The following TOX variants were observed in gnomAD, a reference collection of about 807,000 sequenced individuals.
TOX encodes thymocyte selection-associated high mobility group box protein TOX.
TOX carries 11 observed loss-of-function variants against 53.7 expected under a neutral mutation model. The ratio of observed to expected loss-of-function variants is 0.20; its 90% CI spans 0.13 to 0.34. TOX has a LOEUF of 0.34. Among genes scored for constraint, TOX ranks in the 10% least tolerant of loss-of-function variants. The probability of loss-of-function intolerance (pLI) is 1.00; values close to 1 mark genes in which losing one functional copy is unlikely to be tolerated. For missense variants in TOX, 570 were observed against 664.6 expected, an observed-to-expected ratio of 0.86 and a Z score of 1.56; for synonymous variants, 225 against 245.3, an observed-to-expected ratio of 0.92 and a Z score of 0.77.
chr8:58,899,554 T>C (rs10094753), intron 3 of TOX, among the ~76,000 whole-genome samples: 144,314 of 152,270 alleles, frequency 0.95, 68,465 homozygotes, highest in East Asian at 1. Flanking sequence ...GTAGATTATT[T>C]CTGGTCCAAA....
In TOX at chr8:58,805,952, A is replaced by G. The variant is rs1809966882; in HGVS notation, c.*1795T>C. The G allele has an allele frequency of 6.6e-6, 1 of 152,654 alleles. No individual in the cohort carries two copies. The highest frequency in any genetic ancestry group is 6.5e-5 in the Admixed American group (1 of 15,280). 9.5% of individuals were successfully genotyped at this position (152,654 alleles called of 1,614,324 possible). ...TGGATTACACAATGCATATATTTGTATTTAGTTAAACTGCTAAATTTATTT... is the reference window on the plus strand; with the variant it reads ...TGGATTACACAATGCATATATTTGTGTTTAGTTAAACTGCTAAATTTATTT... On this transcript the variant is annotated 3_prime_UTR_variant, in exon 9 of 9. Transcript: ENST00000361421.
At chr8:58,969,477 A>G (rs1437242411) in intron 1 of TOX, among the ~76,000 whole-genome samples, 1 of 152,218 alleles carries the variant, frequency 6.6e-6, no homozygotes, top group African/African-American at 2.4e-5. Context: ...CAAGTACTAC[A>G]TAGTTATATT....
rs112885736 is a variant in TOX, at chr8:58,908,805, T to C, written c.411+30497A>G. 6.3e-3 allele frequency among the ~76,000 whole-genome samples: 962 copies of C among 152,212 alleles called. 13 individuals are homozygous for C. The highest frequency in any genetic ancestry group is 0.022 in the African/African-American group (922 of 41,520). On this transcript the variant is annotated intron_variant, in intron 3 of 8. Transcript: ENST00000361421. Reference sequence around the variant, plus strand: ...CACCTTATCTATTTCTGACAAAGAGTTCTCTGGTCTCAATCTGTCTCTAGG... The same window carrying C: ...CACCTTATCTATTTCTGACAAAGAGCTCTCTGGTCTCAATCTGTCTCTAGG...
At position 58,951,569 on chromosome 8, in the gene TOX, A is replaced by C. The variant is rs913159928; in HGVS notation, c.168+8374T>G. On this transcript the variant is annotated intron_variant, in intron 2 of 8. Transcript: ENST00000361421. ...TGACCCGGTCTCACCTGGCATCCCT[A>C]TTTTCCCCCACTCCCATTTCCTCCA... Among the ~76,000 whole-genome samples the C allele has an allele frequency of 7.9e-5, 12 of 151,840 alleles. No homozygotes were observed. The East Asian group carries it at 2.3e-3, about 29-fold the overall frequency.
Position 58,986,509 on chromosome 8 carries a change from T to A in TOX, c.103-26501A>T, listed in dbSNP as rs145370609. On this transcript the variant is annotated intron_variant, in intron 1 of 8. Coordinates refer to ENST00000361421, the MANE Select transcript of TOX (RefSeq NM_014729.3). The stretch of plus-strand genomic sequence containing the variant: ...GGAGGGATGTGTTTTATATCTTTTT[T>A]AATTTAAGCTCAAAGAGCAATTTGA... 6.8e-3 allele frequency among the ~76,000 whole-genome samples: 1,031 copies of A among 152,346 alleles called. 10 individuals carry two copies. Among genetic ancestry groups the A allele is most frequent in the African/African-American group, 0.024 (978 of 41,588 alleles).
chr8:59,019,061 A>T (rs571884591), intron 1 of TOX, among the ~76,000 whole-genome samples: 6 of 152,242 alleles, frequency 3.9e-5, no homozygotes, highest in African/African-American at 1.4e-4. Context: ...ATTGTTTGAT[A>T]ATCCCTATTT....
At chr8:59,041,043 T>A (rs1016409608) in intron 1 of TOX, among the ~76,000 whole-genome samples, 1 of 150,768 alleles carries the variant, frequency 6.6e-6, no homozygotes, top group Non-Finnish European at 1.5e-5. Flanking sequence ...CCTTTGACCA[T>A]CAGCAGGAGG....
chr8:59,115,658 G>A (rs1236369736), intron 1 of TOX, among the ~76,000 whole-genome samples: 1 of 152,158 alleles, frequency 6.6e-6, no homozygotes, highest in African/African-American at 2.4e-5. Flanking sequence ...GGTGAATACT[G>A]TTAACTCCAG....
intron 1 of TOX, among the ~76,000 whole-genome samples, chr8:58,968,147 A>G (rs1812936787): frequency 6.6e-6 from 1 of 152,228 alleles, no homozygotes; most frequent in Non-Finnish European, 1.5e-5. Flanking sequence ...TTTCAGTACC[A>G]AGCAATCCAT....
chr8:59,089,791 T>A (rs1010312), intron 1 of TOX, among the ~76,000 whole-genome samples: 1 of 152,166 alleles, frequency 6.6e-6, no homozygotes, highest in African/African-American at 2.4e-5. Context: ...TATTATGTTG[T>A]CCAGGCTGGT....
intron 1 of TOX, among the ~76,000 whole-genome samples, chr8:59,083,084 C>T (rs189600300): frequency 1.3e-5 from 2 of 152,126 alleles, no homozygotes; most frequent in East Asian, 1.9e-4. Flanking sequence ...TCCTTTGTAC[C>T]ATAAGGGACA....
At chr8:58,933,516 T>C (rs1474458980) in intron 3 of TOX, among the ~76,000 whole-genome samples, 1 of 149,746 alleles carries the variant, frequency 6.7e-6, no homozygotes, top group Non-Finnish European at 1.5e-5. Context: ...CATTTTCCAG[T>C]CAAAAGAAAT....
chr8:58,958,298 A>G (rs1279255920), intron 2 of TOX, among the ~76,000 whole-genome samples: 1 of 152,238 alleles, frequency 6.6e-6, no homozygotes, highest in East Asian at 1.9e-4. Context: ...GAGCCAAGTC[A>G]TTATGATGTA....
At chr8:59,029,127 A>G (rs556316678) in intron 1 of TOX, among the ~76,000 whole-genome samples, 3 of 152,262 alleles carry the variant, frequency 2.0e-5, no homozygotes, top group South Asian at 2.1e-4. Flanking sequence ...AAATGGCACT[A>G]TAATTCCTAA....
chr8:59,063,970 C>T (rs952710129), intron 1 of TOX, among the ~76,000 whole-genome samples: 1 of 151,828 alleles, frequency 6.6e-6, no homozygotes, highest in African/African-American at 2.4e-5. Flanking sequence ...ATACCTTCCT[C>T]GAGGACCAAT....
chr8:59,005,329 C>T (rs370657221), intron 1 of TOX, among the ~76,000 whole-genome samples: 2 of 152,090 alleles, frequency 1.3e-5, no homozygotes, highest in East Asian at 1.9e-4. Flanking sequence ...TGAGCCACTG[C>T]GCCCGGCCCT....
intron 3 of TOX, among the ~76,000 whole-genome samples, chr8:58,898,402 AT>A (rs1811685010): frequency 1.4e-5 from 1 of 71,024 alleles, no homozygotes; most frequent in Non-Finnish European, 2.9e-5. Context: ...ATAGGTTATA[AT>A]TAACTTTAGT....
intron 1 of TOX, among the ~76,000 whole-genome samples, chr8:58,997,428 T>A (rs540499036): frequency 2.6e-4 from 39 of 152,242 alleles, no homozygotes; most frequent in Non-Finnish European, 5.0e-4. Context: ...TGTGGCCCTA[T>A]GACTTTGACG....
intron 1 of TOX, among the ~76,000 whole-genome samples, chr8:58,977,354 G>A (rs1420197517): frequency 6.6e-6 from 1 of 152,162 alleles, no homozygotes; most frequent in Non-Finnish European, 1.5e-5. Context: ...GAGAGGTAAG[G>A]CCTTGCTCTG....
Sources: allele counts gnomAD v4.1 joint callset (sites outside exome capture counted in the v4.1 genomes callset), GRCh38; gene constraint gnomAD v4.1.1; transcripts MANE v1.5; gene names NCBI Gene and HGNC (gene_info 2026-07-23, HGNC 2026-07-21).